Variants in GNG7 observed in about 807,000 individuals in gnomAD.
The protein encoded by GNG7 is guanine nucleotide-binding protein G(I)/G(S)/G(O) subunit gamma-7.
Under a neutral mutation model 4.0 loss-of-function variants are expected in GNG7, and 1 was observed. The ratio of observed to expected loss-of-function variants is 0.25; its 90% CI spans 0.09 to 1.18. The LOEUF is 1.18. Among genes scored for constraint, GNG7 ranks in the 50% most tolerant of loss-of-function variants. GNG7 has a pLI of 0.50. For missense variants in GNG7, 86 were observed against 91.9 expected (o/e 0.94, Z 0.26); for synonymous variants, 34 against 36.9 (o/e 0.92, Z 0.29).
chr19:2,578,824 C>T (rs1303847367), intron 2 of GNG7, among the ~76,000 whole-genome samples: 1 of 152,148 alleles, frequency 6.6e-6, no homozygotes, highest in East Asian at 1.9e-4. Flanking sequence ...GTAGGGAAAC[C>T]GATGCTAAAG....
At chr19:2,688,511 A>G (rs1324591968) in intron 1 of GNG7, among the ~76,000 whole-genome samples, 1 of 152,130 alleles carries the variant, frequency 6.6e-6, no homozygotes, top group Non-Finnish European at 1.5e-5. Context: ...CTTTCCCGAA[A>G]CCCGTAACCC....
Position 2,515,146 on chromosome 19 carries a change from A to T in GNG7, c.83T>A (p.Val28Asp). The T allele has an allele frequency of 6.2e-7, 1 of 1,613,598 alleles. No homozygotes were observed. Among genetic ancestry groups the T allele is most frequent in the Non-Finnish European group, 8.5e-7 (1 of 1,179,926 alleles). Residue 28 changes from valine to aspartate, a missense_variant and splice_region_variant, in exon 5 of 5, where the codon GTC (valine) becomes GAC (aspartate). Val to Asp is a radical substitution (Grantham distance 152, BLOSUM62 -3). Coordinates refer to ENST00000382159, the MANE Select transcript of GNG7 (RefSeq NM_052847.3). ...RIEAGIERIKVSKAASDLMSY... is the reference protein window; with the variant it reads ...RIEAGIERIKDSKAASDLMSY... The stretch of plus-strand genomic sequence containing the variant: ...CATGAGGTCAGACGCCGCTTTGGAG[A>T]CCTGTGTTTGAGCACAAGGAGGAGA...
rs71178297 is a variant in GNG7 at position 2,604,639 on chromosome 19, CA to C, written c.-78+41584del. ...TGGGCAACGGAGCAAGACCCTCCTT[CA>C]AAAAAAAAAAAAAAAAGAATGAATG... On this transcript the variant is annotated intron_variant, in intron 2 of 4. Transcript: ENST00000382159. Among the ~76,000 whole-genome samples the C allele has an allele frequency of 8.4e-4, 74 of 87,852 alleles. 1 individual carries two copies. The highest frequency in any genetic ancestry group is 1.2e-3 in the Non-Finnish European group (56 of 47,492). The allele number at this position is 87,852 out of a possible 152,430, so 57.6% of individuals were successfully genotyped here.
intron 2 of GNG7, among the ~76,000 whole-genome samples, chr19:2,590,898 TATCCATCCATTC>T (rs1344802028): frequency 2.0e-5 from 3 of 148,772 alleles, no homozygotes; most frequent in Non-Finnish European, 4.5e-5. Flanking sequence ...TCCATCCATT[TATCCATCCATTC>T]ATCCATCCAT....
intron 3 of GNG7, among the ~76,000 whole-genome samples, chr19:2,540,442 C>T (rs1302238757): frequency 6.6e-6 from 1 of 152,216 alleles, no homozygotes; most frequent in Non-Finnish European, 1.5e-5. Context: ...GGAGCCTCCA[C>T]ACTCGGCCTG....
intron 1 of GNG7, among the ~76,000 whole-genome samples, chr19:2,698,893 G>A (rs925960570): frequency 1.3e-5 from 2 of 152,132 alleles, no homozygotes; most frequent in Admixed American, 6.6e-5. Context: ...CAGGGTTTAC[G>A]AAGCATGAAA....
chr19:2,605,651 T>C lies in GNG7; in HGVS notation c.-78+40573A>G, dbSNP rs912882820. Among the ~76,000 whole-genome samples the C allele has an allele frequency of 6.0e-5, 9 of 150,068 alleles. No individual in the cohort carries two copies. In the East Asian group the frequency reaches 1.0e-3, roughly 17 times the overall value. ...GCCTCAGCCTCCCGAGTAGCTGGGA[T>C]TACAGGCATGCGCCACCACACCCAG... is the stretch of plus-strand genomic sequence containing the variant. On this transcript the variant is annotated intron_variant, in intron 2 of 4. Transcript: ENST00000382159.
chr19:2,639,158 C>A (rs895710554), intron 2 of GNG7, among the ~76,000 whole-genome samples: 3 of 151,448 alleles, frequency 2.0e-5, no homozygotes, highest in African/African-American at 7.3e-5. Flanking sequence ...CGCTTGAACC[C>A]GGAAGGAGGA....
chr19:2,643,026 C>T, intron 2 of GNG7: 1 of 452,354 alleles, frequency 2.2e-6, no homozygotes, highest in South Asian at 1.6e-5. Context: ...CGCCCTGCAC[C>T]ATGTGCACCA....
rs1174321497 is a variant in GNG7 at position 2,684,436 on chromosome 19, G to A, written c.-135+18210C>T. Among the ~76,000 whole-genome samples the A allele has an allele frequency of 7.3e-5, 11 of 150,088 alleles. No homozygotes were observed. In the South Asian group the frequency reaches 1.6e-3, roughly 21 times the overall value. ...AGGCGTGAGCCACCGTGCCCGGCCC[G>A]CACCAGTGCTGTTGATGGAGGCCCC... On this transcript the variant is annotated intron_variant, in intron 1 of 4. Coordinates refer to ENST00000382159, the MANE Select transcript of GNG7 (RefSeq NM_052847.3).
chr19:2,604,519 G>A (rs1435545856), intron 2 of GNG7, among the ~76,000 whole-genome samples: 1 of 146,500 alleles, frequency 6.8e-6, no homozygotes, highest in Non-Finnish European at 1.5e-5. Context: ...AAGCGAGGGA[G>A]GGAGGGAGGG....
intron 1 of GNG7, among the ~76,000 whole-genome samples, chr19:2,658,458 T>C (rs974014189): frequency 9.9e-5 from 15 of 151,762 alleles, no homozygotes; most frequent in Non-Finnish European, 1.2e-4. Context: ...GAAACCAAAA[T>C]GTACCCCCGT....
At chr19:2,690,594 CTT>C (rs796294550) in intron 1 of GNG7, among the ~76,000 whole-genome samples, 2 of 146,870 alleles carry the variant, frequency 1.4e-5, no homozygotes, top group East Asian at 4.0e-4. Flanking sequence ...TGGCTCAGGT[CTT>C]TTTTTTTTTC....
At chr19:2,600,558 G>A (rs189280523) in intron 2 of GNG7, among the ~76,000 whole-genome samples, 13 of 147,590 alleles carry the variant, frequency 8.8e-5, no homozygotes, top group South Asian at 2.2e-4. Flanking sequence ...TTCAACCTCC[G>A]CCTCCTGGGT....
chr19:2,558,478 C>A (rs940173610), intron 2 of GNG7, among the ~76,000 whole-genome samples: 4 of 152,272 alleles, frequency 2.6e-5, no homozygotes, highest in Admixed American at 2.0e-4. Context: ...AAGCGATCCT[C>A]CCACCTTGGC....
chr19:2,513,512 G>A lies in GNG7; in HGVS notation c.*1510C>T, dbSNP rs1478503977. Reference sequence around the variant, plus strand: ...AGGAGGACGCAGTCATCTTTCAGAAGCCTCCCCCCGACCCCATGACATCTT... The same window carrying A: ...AGGAGGACGCAGTCATCTTTCAGAAACCTCCCCCCGACCCCATGACATCTT... On this transcript the variant is annotated 3_prime_UTR_variant, in exon 5 of 5. Coordinates refer to ENST00000382159, the MANE Select transcript of GNG7 (RefSeq NM_052847.3). 5 of 985,404 alleles carry A rather than the reference G, an allele frequency of 5.1e-6. No homozygotes were observed. In the East Asian group the frequency reaches 3.4e-4, roughly 67 times the overall value. 61.0% of individuals were successfully genotyped at this position (985,404 alleles called of 1,614,324 possible).
intron 1 of GNG7, among the ~76,000 whole-genome samples, chr19:2,674,058 G>GT (rs1266355569): frequency 6.6e-6 from 1 of 152,034 alleles, no homozygotes; most frequent in Non-Finnish European, 1.5e-5. Flanking sequence ...AAGGTCAGGA[G>GT]TTTGAGACCA....
In GNG7 at chr19:2,511,736, G is replaced by A. The variant is rs970696417; in HGVS notation, c.*3286C>T. The A allele has an allele frequency of 6.2e-5, 57 of 915,738 alleles. No homozygotes were observed. Among genetic ancestry groups the A allele is most frequent in the Non-Finnish European group, 6.9e-5 (53 of 766,292 alleles). The allele number at this position is 915,738 out of a possible 1,614,324, so 56.7% of individuals were successfully genotyped here. ...GTGGCCGGCCCGTCAAAGGGACCAC[G>A]CAGAAGGAGGGAAACAGGAGCACCT... On this transcript the variant is annotated 3_prime_UTR_variant, in exon 5 of 5. Coordinates refer to ENST00000382159, the MANE Select transcript of GNG7 (RefSeq NM_052847.3). The surrounding 1 kb of genome is among the most constrained non-coding windows in gnomAD (Gnocchi z 6.3).
In GNG7 at chr19:2,680,556, A is replaced by C. The variant is rs183285165; in HGVS notation, c.-135+22090T>G. Among the ~76,000 whole-genome samples the C allele has an allele frequency of 2.6e-5, 4 of 151,782 alleles. No homozygotes were observed. In the East Asian group the frequency reaches 5.8e-4, roughly 22 times the overall value. On this transcript the variant is annotated intron_variant, in intron 1 of 4. Coordinates refer to ENST00000382159, the MANE Select transcript of GNG7 (RefSeq NM_052847.3). ...GTGGGTTTTTTAGTAAAATACACTT[A>C]ACACAAAATTTACAATTTTTTTTTT...
Sources: allele counts gnomAD v4.1 joint callset (sites outside exome capture counted in the v4.1 genomes callset), GRCh38; gene constraint gnomAD v4.1.1; non-coding constraint Gnocchi (gnomAD v3.1); transcripts MANE v1.5; gene names NCBI Gene and HGNC (gene_info 2026-07-23, HGNC 2026-07-21).